The following TRAF3 variants were observed in gnomAD, a reference collection of about 807,000 sequenced individuals.
TRAF3 encodes TNF receptor-associated factor 3.
A neutral mutation model predicts 62.3 loss-of-function variants in TRAF3; 13 were observed. The ratio of observed to expected loss-of-function variants is 0.21; its 90% CI spans 0.14 to 0.33. The LOEUF (loss-of-function observed/expected upper bound fraction) is 0.33, where lower values mean the gene tolerates loss of function less well. Among genes scored for constraint, TRAF3 ranks in the 10% least tolerant of loss-of-function variants. The pLI is 1.00. For synonymous variants in TRAF3, 269 were observed against 283.4 expected (o/e 0.95, Z 0.51); for missense variants, 440 against 741.8 (o/e 0.59, Z 4.73).
Position 102,903,081 on chromosome 14 carries a change from C to A in TRAF3, c.961-174C>A. On this transcript the variant is annotated intron_variant, in intron 10 of 11. Transcript: ENST00000392745. This position sits in a 1 kb window ranked among gnomAD's most constrained non-coding sequence, Gnocchi z 6.4. ...GGCACAAGCACTTGATCCCAGGGAGCTCCCAGGAGGCCTGATGCAGAGCCC... is the reference window on the plus strand; with the variant it reads ...GGCACAAGCACTTGATCCCAGGGAGATCCCAGGAGGCCTGATGCAGAGCCC... The A allele has an allele frequency of 1.2e-6, 1 of 829,126 alleles. No individual in the cohort carries two copies. Among genetic ancestry groups the A allele is most frequent in the Non-Finnish European group, 2.0e-6 (1 of 497,192 alleles). 51.4% of individuals were successfully genotyped at this position (829,126 alleles called of 1,614,324 possible).
Position 102,798,226 on chromosome 14 carries a change from C to CT in TRAF3, c.-157+20564dup, listed in dbSNP as rs77441587. Among the ~76,000 whole-genome samples, 1,199 of 144,320 alleles carry CT rather than the reference C, an allele frequency of 8.3e-3. 9 individuals are homozygous for CT. Among genetic ancestry groups the CT allele is most frequent in the African/African-American group, 0.019 (736 of 39,566 alleles). 94.7% of individuals were successfully genotyped at this position (144,320 alleles called of 152,430 possible). On this transcript the variant is annotated intron_variant, in intron 1 of 11. Transcript: ENST00000392745. The stretch of plus-strand genomic sequence containing the variant: ...CAAATCTAGCTTAGTTCAGAAAACC[C>CT]TTTTTTTTTTTTTGAGACTGGGTCT...
intron 1 of TRAF3, among the ~76,000 whole-genome samples, chr14:102,791,503 A>G (rs1029806329): frequency 3.3e-5 from 5 of 152,138 alleles, no homozygotes; most frequent in African/African-American, 1.2e-4. Flanking sequence ...CATTGCTGGT[A>G]TATAGAAACA....
intron 1 of TRAF3, among the ~76,000 whole-genome samples, chr14:102,809,550 T>C (rs888452265): frequency 8.1e-6 from 1 of 122,878 alleles, no homozygotes; most frequent in African/African-American, 4.0e-5. Context: ...TTTTTTTTTT[T>C]GAGACGGAGT....
At chr14:102,795,203 C>T (rs1898006906) in intron 1 of TRAF3, among the ~76,000 whole-genome samples, 1 of 152,208 alleles carries the variant, frequency 6.6e-6, no homozygotes, top group African/African-American at 2.4e-5. Context: ...CCTGCCTCCC[C>T]AGCCTGTCTC....
intron 1 of TRAF3, among the ~76,000 whole-genome samples, chr14:102,822,358 T>C (rs1030105900): frequency 6.6e-6 from 1 of 152,184 alleles, no homozygotes; most frequent in Admixed American, 6.5e-5. Context: ...GCTATATAGG[T>C]AGTAAGTGAC....
intron 9 of TRAF3, among the ~76,000 whole-genome samples, chr14:102,895,510 CT>C (rs1453915803): frequency 2.6e-5 from 4 of 152,206 alleles, no homozygotes; most frequent in African/African-American, 9.7e-5. Context: ...GGGCCATCAC[CT>C]TTGTGACCAT....
In TRAF3 at chr14:102,838,984, T is replaced by C. The variant is rs372332579; in HGVS notation, c.-18+8512T>C. 5.5e-4 allele frequency among the ~76,000 whole-genome samples: 84 copies of C among 152,314 alleles called. 1 individual carries two copies. In the East Asian group the frequency reaches 0.014, roughly 24 times the overall value. Reference sequence around the variant, plus strand: ...GTCGGTACTTTTGAAAACATTTTCCTGCACCTGTGCCTTCTATGAAATGAA... The same window carrying C: ...GTCGGTACTTTTGAAAACATTTTCCCGCACCTGTGCCTTCTATGAAATGAA... On this transcript the variant is annotated intron_variant, in intron 2 of 11. Transcript: ENST00000392745.
At chr14:102,809,955 C>T (rs544828609) in intron 1 of TRAF3, among the ~76,000 whole-genome samples, 13 of 152,126 alleles carry the variant, frequency 8.5e-5, no homozygotes, top group Non-Finnish European at 1.2e-4. Context: ...CATGCATTAC[C>T]AAAAACGTTG....
chr14:102,860,011 A>C (rs909077361), intron 2 of TRAF3, among the ~76,000 whole-genome samples: 1 of 152,232 alleles, frequency 6.6e-6, no homozygotes, highest in South Asian at 2.1e-4. Flanking sequence ...ATTTTACCAC[A>C]TATTTCATTG....
At chr14:102,818,925 C>CT (rs1899717227) in intron 1 of TRAF3, among the ~76,000 whole-genome samples, 1 of 151,960 alleles carries the variant, frequency 6.6e-6, no homozygotes, top group Admixed American at 6.6e-5. Context: ...CCCATTGTAT[C>CT]TTATAAATAA....
chr14:102,839,895 C>A (rs936209736), intron 2 of TRAF3, among the ~76,000 whole-genome samples: 1 of 152,180 alleles, frequency 6.6e-6, no homozygotes, highest in Non-Finnish European at 1.5e-5. Flanking sequence ...CATAATGTTT[C>A]ACATCGAAGT....
At chr14:102,867,917 A>G (rs1434088153) in intron 2 of TRAF3, among the ~76,000 whole-genome samples, 1 of 152,304 alleles carries the variant, frequency 6.6e-6, no homozygotes, top group African/African-American at 2.4e-5. Flanking sequence ...CAGTTCATCC[A>G]TCTCTCAAAT....
chr14:102,838,530 C>G (rs1886164396), intron 2 of TRAF3, among the ~76,000 whole-genome samples: 1 of 152,194 alleles, frequency 6.6e-6, no homozygotes, highest in South Asian at 2.1e-4. Context: ...TTAGCATGAT[C>G]CCTGCTCTAA....
chr14:102,804,602 C>T (rs2139480639), intron 1 of TRAF3, among the ~76,000 whole-genome samples: 1 of 152,282 alleles, frequency 6.6e-6, no homozygotes, highest in Admixed American at 6.5e-5. Flanking sequence ...ATCCTCCCAC[C>T]TCAGCCTCCC....
chr14:102,865,598 C>G (rs1397199082), intron 2 of TRAF3, among the ~76,000 whole-genome samples: 1 of 150,784 alleles, frequency 6.6e-6, no homozygotes, highest in African/African-American at 2.4e-5. Flanking sequence ...CTCCCAGGTT[C>G]AAGCAATTCT....
At chr14:102,787,616 G>A (rs1897571021) in intron 1 of TRAF3, among the ~76,000 whole-genome samples, 1 of 152,106 alleles carries the variant, frequency 6.6e-6, no homozygotes, top group South Asian at 2.1e-4. Flanking sequence ...GAATTCGGGA[G>A]GTGGAGGTTG....
intron 1 of TRAF3, among the ~76,000 whole-genome samples, chr14:102,777,967 C>T (rs1296674133): frequency 6.6e-6 from 1 of 150,406 alleles, no homozygotes; most frequent in Non-Finnish European, 1.5e-5. Context: ...CGCACCTTTT[C>T]AGGAAACGGG....
At chr14:102,863,162 T>G (rs535026333) in intron 2 of TRAF3, among the ~76,000 whole-genome samples, 1 of 152,178 alleles carries the variant, frequency 6.6e-6, no homozygotes, top group African/African-American at 2.4e-5. Flanking sequence ...GAACCATACT[T>G]TCTTGTTTCT....
chr14:102,871,806 G>T, intron 3 of TRAF3, 111 bp from the exon 4 acceptor site: 1 of 946,484 alleles, frequency 1.1e-6, no homozygotes, highest in Admixed American at 1.7e-5. Context: ...TCTGCTGGTT[G>T]CTGTGAGCCA....
Sources: allele counts gnomAD v4.1 joint callset (sites outside exome capture counted in the v4.1 genomes callset), GRCh38; gene constraint gnomAD v4.1.1; non-coding constraint Gnocchi (gnomAD v3.1); transcripts MANE v1.5; gene names NCBI Gene and HGNC (gene_info 2026-07-23, HGNC 2026-07-21).